CNDP1: variants seen among roughly 807,000 people sequenced by gnomAD.
CNDP1 encodes beta-Ala-His dipeptidase.
A neutral mutation model predicts 58.1 loss-of-function variants in CNDP1; 44 were observed. The ratio of observed to expected loss-of-function variants is 0.76; its 90% CI spans 0.60 to 0.97. The LOEUF is 0.97. Ranked by LOEUF, CNDP1 falls within the 50% of genes least tolerant of loss-of-function variation. The probability of loss-of-function intolerance (pLI) is 0.00; values close to 1 mark genes in which losing one functional copy is unlikely to be tolerated. For missense variants in CNDP1, 616 were observed against 655.1 expected (o/e 0.94, Z 0.65); for synonymous variants, 254 against 252.6 (o/e 1.01, Z -0.05).
chr18:74,567,186 A>G (rs1200705742), intron 5 of CNDP1, 47 bp from the exon 6 acceptor site: 6 of 1,504,100 alleles, frequency 4.0e-6, no homozygotes, highest in Non-Finnish European at 5.6e-6. Context: ...ACACAGCCAA[A>G]CCACATCAGG....
At chr18:74,578,447 AGAG>A in intron 9 of CNDP1, 120 bp downstream of exon 9, 3 of 996,276 alleles carry the variant, frequency 3.0e-6, no homozygotes, top group Non-Finnish European at 4.5e-6. Flanking sequence ...TTCCAACACA[AGAG>A]GAGTGGAACA....
intron 1 of CNDP1, among the ~76,000 whole-genome samples, chr18:74,548,875 G>A (rs957925157): frequency 2.0e-5 from 3 of 152,242 alleles, no homozygotes; most frequent in Non-Finnish European, 4.4e-5. Flanking sequence ...TTGTGTTCAT[G>A]CCCTAAGGAT....
intron 10 of CNDP1, among the ~76,000 whole-genome samples, chr18:74,580,925 T>G (rs1402621407): frequency 1.3e-5 from 2 of 152,136 alleles, no homozygotes; most frequent in African/African-American, 2.4e-5. Flanking sequence ...GCTATGATCA[T>G]GCCACTGCCC....
intron 10 of CNDP1, 89 bp downstream of exon 10, chr18:74,580,360 A>C (rs1484875666): frequency 7.5e-7 from 1 of 1,326,402 alleles, no homozygotes; most frequent in Non-Finnish European, 1.1e-6. Context: ...GACACTTTTA[A>C]AACTCAGAAA....
intron 1 of CNDP1, among the ~76,000 whole-genome samples, chr18:74,543,896 G>A (rs909732393): frequency 1.3e-5 from 2 of 152,102 alleles, no homozygotes; most frequent in South Asian, 2.1e-4. Context: ...ACCAGCCTGG[G>A]CAACATAGTG....
In CNDP1 at chr18:74,568,664, G is replaced by A. The variant is rs58267074; in HGVS notation, c.756+1231G>A. On this transcript the variant is annotated intron_variant, in intron 6 of 11. Transcript: ENST00000358821. ...GCTTTGGGTAGGTAGAGAGCTCCAA[G>A]TCCTAGAGCTTTTTCCCTCTTAGCG... is the stretch of plus-strand genomic sequence containing the variant. 5.3e-3 allele frequency among the ~76,000 whole-genome samples: 809 copies of A among 152,266 alleles called. 9 individuals carry two copies. Among genetic ancestry groups the A allele is most frequent in the African/African-American group, 0.018 (745 of 41,526 alleles).
chr18:74,580,365 C>T, intron 10 of CNDP1, 94 bp downstream of exon 10: 1 of 1,231,856 alleles, frequency 8.1e-7, no homozygotes, highest in South Asian at 1.3e-5. Flanking sequence ...TTTTAAAACT[C>T]AGAAATCAAC....
chr18:74,573,045 T>C (rs1981526229), intron 7 of CNDP1, among the ~76,000 whole-genome samples: 1 of 152,232 alleles, frequency 6.6e-6, no homozygotes, highest in Non-Finnish European at 1.5e-5. Context: ...AATAATGAAA[T>C]TTACCTATAT....
intron 6 of CNDP1, among the ~76,000 whole-genome samples, chr18:74,569,602 G>A (rs1169780521): frequency 6.6e-6 from 1 of 152,160 alleles, no homozygotes. Context: ...AAATTAGCGT[G>A]AGCACCGCAT....
chr18:74,549,173 C>A (rs1488282036), intron 1 of CNDP1, among the ~76,000 whole-genome samples: 1 of 152,190 alleles, frequency 6.6e-6, no homozygotes, highest in Non-Finnish European at 1.5e-5. Flanking sequence ...ACTTTGGAAA[C>A]AACAGACATC....
intron 1 of CNDP1, among the ~76,000 whole-genome samples, chr18:74,551,924 A>C (rs539690995): frequency 1.3e-5 from 2 of 152,092 alleles, no homozygotes; most frequent in African/African-American, 2.4e-5. Flanking sequence ...AAAAAAACAA[A>C]AAAAAAACCA....
chr18:74,544,717 C>CAAAA (rs10562152), intron 1 of CNDP1, among the ~76,000 whole-genome samples: 43 of 63,826 alleles, frequency 6.7e-4, no homozygotes, highest in African/African-American at 1.1e-3. Context: ...GGTTCTGTCT[C>CAAAA]AAAAAAAAAA....
chr18:74,556,261 T>C (rs1036472058), intron 1 of CNDP1, 77 bp from the exon 2 acceptor site: 1 of 1,520,836 alleles, frequency 6.6e-7, no homozygotes, highest in Admixed American at 2.0e-5. Context: ...ACAGACCTTC[T>C]TGAGGAATTT....
intron 6 of CNDP1, among the ~76,000 whole-genome samples, chr18:74,570,798 G>A (rs1981460249): frequency 6.6e-6 from 1 of 152,132 alleles, no homozygotes; most frequent in Non-Finnish European, 1.5e-5. Flanking sequence ...AGAAAGAGAA[G>A]AAAGCTTCTC....
chr18:74,567,109 C>A (rs1241309048), intron 5 of CNDP1, 124 bp from the exon 6 acceptor site: 11 of 730,060 alleles, frequency 1.5e-5, no homozygotes, highest in Non-Finnish European at 7.2e-6. Context: ...TCAATTACCT[C>A]CCCCTGGGTC....
chr18:74,580,326 A>G (rs1023604591), intron 10 of CNDP1, 55 bp downstream of exon 10: 3 of 1,565,874 alleles, frequency 1.9e-6, no homozygotes, highest in Non-Finnish European at 2.6e-6. Context: ...CAGGGGTGGT[A>G]CCCGTGGGAC....
intron 1 of CNDP1, among the ~76,000 whole-genome samples, chr18:74,544,103 AT>A (rs940253475): frequency 6.6e-6 from 1 of 152,114 alleles, no homozygotes; most frequent in African/African-American, 2.4e-5. Flanking sequence ...AGCTTAAAAA[AT>A]AAGCCGGCTT....
chr18:74,554,929 T>A (rs1459869830), intron 1 of CNDP1, among the ~76,000 whole-genome samples: 1 of 151,996 alleles, frequency 6.6e-6, no homozygotes, highest in African/African-American at 2.4e-5. Flanking sequence ...TTGCAGATGC[T>A]CCATTGTAAA....
chr18:74,571,733 C>T (rs1308901365), intron 7 of CNDP1, among the ~76,000 whole-genome samples: 16 of 152,184 alleles, frequency 1.1e-4, no homozygotes, highest in Non-Finnish European at 2.9e-5. Flanking sequence ...CTAAGCGACA[C>T]ACCAGGTGAG....
Sources: allele counts gnomAD v4.1 joint callset (sites outside exome capture counted in the v4.1 genomes callset), GRCh38; gene constraint gnomAD v4.1.1; transcripts MANE v1.5; gene names NCBI Gene and HGNC (gene_info 2026-07-23, HGNC 2026-07-21).